NCSTN: variants seen among roughly 807,000 people sequenced by gnomAD.
The protein encoded by NCSTN is nicastrin.
A neutral mutation model predicts 87.0 loss-of-function variants in NCSTN; 22 were observed. The observed-to-expected ratio is 0.25, with a 90% CI of 0.18 to 0.36. The LOEUF (loss-of-function observed/expected upper bound fraction) is 0.36. Among genes scored for constraint, NCSTN ranks in the 10% least tolerant of loss-of-function variants. The pLI, the probability that NCSTN is intolerant of heterozygous loss-of-function variation, is 1.00. For missense variants in NCSTN, 693 were observed against 883.3 expected, an observed-to-expected ratio of 0.78 and a Z score of 2.73; for synonymous variants, 306 against 327.1, an observed-to-expected ratio of 0.94 and a Z score of 0.69.
intron 5 of NCSTN, among the ~76,000 whole-genome samples, chr1:160,350,849 G>A (rs902248346): frequency 2.6e-5 from 4 of 152,148 alleles, no homozygotes; most frequent in Admixed American, 2.6e-4. Flanking sequence ...TTTGTCCAAA[G>A]TTGTATGGTG....
chr1:160,354,656 CCTT>C (rs1192094985), intron 11 of NCSTN, among the ~76,000 whole-genome samples: 69 of 152,236 alleles, frequency 4.5e-4, no homozygotes, highest in African/African-American at 1.5e-3. Context: ...AGAAAGCAGT[CCTT>C]CTCTGGAACT....
intron 10 of NCSTN, 46 bp from the exon 11 acceptor site, chr1:160,354,071 TC>T (rs1465833884): frequency 5.0e-6 from 8 of 1,587,878 alleles, no homozygotes; most frequent in Non-Finnish European, 6.9e-6. Context: ...ACCTCCTGCT[TC>T]CCATCCCCCA....
At chr1:160,353,597 A>C in intron 10 of NCSTN, 2 of 1,209,126 alleles carry the variant, frequency 1.7e-6, no homozygotes, top group Admixed American at 3.7e-5. Context: ...TCGCTGCCCA[A>C]CTTGTCCTCC....
intron 1 of NCSTN, chr1:160,343,859 G>T: frequency 2.0e-6 from 1 of 491,824 alleles, no homozygotes. Flanking sequence ...AAGCAATCTT[G>T]TTCTGTGGGT....
intron 10 of NCSTN, 116 bp from the exon 11 acceptor site, chr1:160,354,002 G>T: frequency 8.9e-7 from 1 of 1,127,438 alleles, no homozygotes; most frequent in Non-Finnish European, 1.3e-6. Flanking sequence ...GTCTACTAGA[G>T]ATAGGGTAGC....
intron 7 of NCSTN, 26 bp downstream of exon 7, chr1:160,351,831 G>A: frequency 6.4e-7 from 1 of 1,560,248 alleles, no homozygotes; most frequent in East Asian, 2.2e-5. Context: ...TGATCAGGAT[G>A]GGCAGGGCTG....
intron 2 of NCSTN, 83 bp downstream of exon 2, chr1:160,344,909 G>A (rs1218991783): frequency 8.6e-7 from 1 of 1,162,774 alleles, no homozygotes; most frequent in African/African-American, 1.5e-5. Flanking sequence ...TCCTGCTTAG[G>A]AGATTTGACA....
chr1:160,351,032 T>C (rs147057608), intron 5 of NCSTN, among the ~76,000 whole-genome samples, 190 bp from the exon 6 acceptor site: 173 of 152,340 alleles, frequency 1.1e-3, no homozygotes, highest in Non-Finnish European at 2.0e-3. Context: ...TTTGTAACTC[T>C]TGATGAGTTT....
Position 160,356,275 on chromosome 1 carries a change from T to C in NCSTN, c.1567T>C (p.Tyr523His). The C allele has an allele frequency of 6.2e-7, 1 of 1,613,142 alleles. No homozygotes were observed. Among genetic ancestry groups the C allele is most frequent in the South Asian group, 1.1e-5 (1 of 91,072 alleles). The change falls in exon 14 of 17, where the codon TAT (tyrosine) becomes CAT (histidine). Residue 523 changes from tyrosine to histidine, a missense_variant. Transcript: ENST00000294785. ...CCAATCCTAGGTTACCCGCCTGCTC[T>C]ATGGGTTCCTGATTAAAGCCAACAA... ...ADPQTVTRLL[Y>H]GFLIKANNSW...
chr1:160,349,794 C>T (rs1311671903), intron 4 of NCSTN, 124 bp downstream of exon 4: 2 of 1,350,088 alleles, frequency 1.5e-6, no homozygotes, highest in Middle Eastern at 5.0e-4. Flanking sequence ...AACTGACTCC[C>T]AAACAGGGGG....
In NCSTN at chr1:160,351,690, G is replaced by A. The variant is rs1391602929; in HGVS notation, c.734-6G>A. 1 of 1,582,148 alleles carries A rather than the reference G, an allele frequency of 6.3e-7. No homozygotes were observed. The highest frequency in any genetic ancestry group is 1.7e-5 in the Admixed American group (1 of 60,004). On this transcript the variant is annotated splice_polypyrimidine_tract_variant and splice_region_variant and intron_variant, in intron 6 of 16. Coordinates refer to ENST00000294785, the MANE Select transcript of NCSTN (RefSeq NM_015331.3). ...GTTGATCTCTCATTGTTTGTGTCCT[G>A]CTTAGAAATCGTCTGTGACCCCCTG... is the stretch of plus-strand genomic sequence containing the variant.
chr1:160,358,406 A>T lies in NCSTN; in HGVS notation c.*135A>T. 1 of 1,190,002 alleles carries T rather than the reference A, an allele frequency of 8.4e-7. No individual in the cohort carries two copies. The highest frequency in any genetic ancestry group is 1.2e-6 in the Non-Finnish European group (1 of 817,516). 73.7% of individuals were successfully genotyped at this position (1,190,002 alleles called of 1,614,324 possible). A position where few individuals can be genotyped will look rare whatever the true frequency, so the allele number is the denominator to read the frequency against. Reference sequence around the variant, plus strand: ...ATTGGGATTAACATAAAAGAGTGGAACTATCCAAAAGAGACAGGGAGAAAT... The same window carrying T: ...ATTGGGATTAACATAAAAGAGTGGATCTATCCAAAAGAGACAGGGAGAAAT... On this transcript the variant is annotated 3_prime_UTR_variant, in exon 17 of 17. Transcript: ENST00000294785.
chr1:160,344,567 T>C (rs2101889180), intron 1 of NCSTN, 155 bp from the exon 2 acceptor site: 3 of 1,551,524 alleles, frequency 1.9e-6, no homozygotes, highest in East Asian at 2.4e-5. Context: ...TTACGATAAG[T>C]GTGTGCCCAA....
chr1:160,355,974 C>G lies in NCSTN; in HGVS notation c.1551+16C>G. The G allele has an allele frequency of 6.3e-7, 1 of 1,593,314 alleles. No individual in the cohort carries two copies. Among genetic ancestry groups the G allele is most frequent in the Non-Finnish European group, 8.6e-7 (1 of 1,161,522 alleles). On this transcript the variant is annotated intron_variant, in intron 13 of 16. Transcript: ENST00000294785. ...TCCCCAAACGGTAAGCAGATGGGCC[C>G]TAGCTCCTTCTTTCTATTTACACAG...
intron 5 of NCSTN, among the ~76,000 whole-genome samples, chr1:160,350,587 C>T (rs1648783481): frequency 6.6e-6 from 1 of 152,052 alleles, no homozygotes; most frequent in South Asian, 2.1e-4. Context: ...ATTCTTTCCC[C>T]ACATTTTGCT....
chr1:160,353,588 C>T (rs532149182), intron 10 of NCSTN: 67 of 1,216,856 alleles, frequency 5.5e-5, no homozygotes, highest in African/African-American at 1.7e-4. Flanking sequence ...GTGTCACACT[C>T]GCTGCCCAAC....
At chr1:160,343,802 G>A (rs962644852) in intron 1 of NCSTN, 23 of 608,496 alleles carry the variant, frequency 3.8e-5, no homozygotes, top group Admixed American at 2.2e-5. Context: ...GAAAGGAACA[G>A]GTGTGAAAGT....
chr1:160,351,134 A>T (rs1326955041), intron 5 of NCSTN, 88 bp from the exon 6 acceptor site: 9 of 1,384,728 alleles, frequency 6.5e-6, no homozygotes, highest in Non-Finnish European at 8.2e-6. Flanking sequence ...CCATCCCAAA[A>T]GGATGGAACT....
chr1:160,344,037 A>G (rs895044914), intron 1 of NCSTN: 2 of 237,638 alleles, frequency 8.4e-6, no homozygotes, highest in Non-Finnish European at 1.7e-5. Flanking sequence ...ACCCTGAAGT[A>G]ACAATTCAAG....
Sources: allele counts gnomAD v4.1 joint callset (sites outside exome capture counted in the v4.1 genomes callset), GRCh38; gene constraint gnomAD v4.1.1; transcripts MANE v1.5; gene names NCBI Gene and HGNC (gene_info 2026-07-23, HGNC 2026-07-21).